Variants in SLC25A12 observed in about 807,000 individuals in gnomAD.
The protein encoded by SLC25A12 is electrogenic aspartate/glutamate antiporter SLC25A12, mitochondrial.
SLC25A12 carries 32 observed loss-of-function variants against 83.3 expected under a neutral mutation model. The observed-to-expected ratio is 0.38, with a 90% CI of 0.29 to 0.52. SLC25A12 has a LOEUF of 0.52. SLC25A12 is among the 20% of genes least tolerant of loss of function. SLC25A12 has a pLI of 0.84. For synonymous variants in SLC25A12, 267 were observed against 291.1 expected, an observed-to-expected ratio of 0.92 and a Z score of 0.84; for missense variants, 611 against 835.6, an observed-to-expected ratio of 0.73 and a Z score of 3.31.
chr2:171,844,131 A>G (rs1400065770), intron 5 of SLC25A12, among the ~76,000 whole-genome samples: 1 of 152,226 alleles, frequency 6.6e-6, no homozygotes, highest in Admixed American at 6.5e-5. Context: ...TACAATTAAA[A>G]AGTATTTAAA....
intron 17 of SLC25A12, 102 bp from the exon 18 acceptor site, chr2:171,785,577 G>A (rs774226226): frequency 3.4e-5 from 35 of 1,039,554 alleles, no homozygotes; most frequent in Non-Finnish European, 5.1e-5. Flanking sequence ...AAAGAAGAAT[G>A]TTTCTCTCAA....
At position 171,793,635 on chromosome 2, in the gene SLC25A12, G is replaced by A; in HGVS notation, c.1438C>T (p.Leu480=). Reference sequence around the variant, plus strand: ...AACCTAAACCTACCCACCTTATACAGACCAAAAATTCCCAAGTCCCGGAGC... The same window carrying A: ...AACCTAAACCTACCCACCTTATACAAACCAAAAATTCCCAAGTCCCGGAGC... ...NVLRDLGIFG[L]YKGAKACFLR... Residue 480 remains leucine (L), a synonymous_variant, in exon 14 of 18, where the codon CTG becomes TTG. Transcript: ENST00000422440. The A allele has an allele frequency of 6.2e-7, 1 of 1,614,056 alleles. No homozygotes were observed. The highest frequency in any genetic ancestry group is 8.5e-7 in the Non-Finnish European group (1 of 1,180,012).
intron 13 of SLC25A12, among the ~76,000 whole-genome samples, chr2:171,806,850 A>G (rs1192822374): frequency 1.3e-5 from 2 of 152,234 alleles, no homozygotes; most frequent in Admixed American, 6.5e-5. Context: ...GACACCGTAC[A>G]TCGTATCACC....
chr2:171,868,952 T>A lies in SLC25A12; in HGVS notation c.67-129A>T, dbSNP rs561006461. On this transcript the variant is annotated intron_variant, in intron 2 of 17. Transcript: ENST00000422440. ...AAAATAAAGATAATAAATGCAGAAT[T>A]TTTCTCTGGATACCGAAAAATCAAA... 1.2e-5 allele frequency: 10 copies of A among 836,454 alleles called. No homozygotes were observed. In the African/African-American group the frequency reaches 1.2e-4, roughly 10 times the overall value. The allele number at this position is 836,454 out of a possible 1,614,324, so 51.8% of individuals were successfully genotyped here.
intron 9 of SLC25A12, among the ~76,000 whole-genome samples, chr2:171,817,211 G>T (rs192268603): frequency 6.6e-6 from 1 of 152,092 alleles, no homozygotes; most frequent in Non-Finnish European, 1.5e-5. Context: ...TTTGTAATAG[G>T]AGTCCAAACA....
At chr2:171,811,718 T>G (rs1249354136) in intron 11 of SLC25A12, among the ~76,000 whole-genome samples, 5 of 151,974 alleles carry the variant, frequency 3.3e-5, no homozygotes. Flanking sequence ...AAACCAACAA[T>G]CCCCTCCCCT....
chr2:171,856,002 G>T, intron 3 of SLC25A12, 53 bp from the exon 4 acceptor site: 1 of 965,304 alleles, frequency 1.0e-6, no homozygotes, highest in Non-Finnish European at 1.7e-6. Context: ...AAAGCATCAG[G>T]CATTTAATCT....
At chr2:171,805,789 T>C (rs1193947927) in intron 13 of SLC25A12, among the ~76,000 whole-genome samples, 1 of 152,224 alleles carries the variant, frequency 6.6e-6, no homozygotes, top group Non-Finnish European at 1.5e-5. Flanking sequence ...TGTAATTATA[T>C]TGTTTGTATT....
intron 4 of SLC25A12, among the ~76,000 whole-genome samples, chr2:171,844,948 G>C (rs958027181): frequency 1.2e-4 from 19 of 152,204 alleles, no homozygotes; most frequent in Non-Finnish European, 2.4e-4. Flanking sequence ...ATTGAGGCTT[G>C]ATTATTACAT....
intron 13 of SLC25A12, among the ~76,000 whole-genome samples, chr2:171,798,570 C>T (rs953513330): frequency 2.6e-5 from 4 of 152,124 alleles, no homozygotes; most frequent in Admixed American, 1.3e-4. Context: ...ACAGTATGTG[C>T]GTATAAAATA....
At chr2:171,793,960 T>C (rs955313645) in intron 13 of SLC25A12, among the ~76,000 whole-genome samples, 193 bp from the exon 14 acceptor site, 3 of 152,190 alleles carry the variant, frequency 2.0e-5, no homozygotes, top group African/African-American at 4.8e-5. Flanking sequence ...GGTCCCAAAC[T>C]CTGTCTCAGA....
intron 3 of SLC25A12, among the ~76,000 whole-genome samples, chr2:171,864,011 A>G (rs1685227268): frequency 6.6e-6 from 1 of 152,246 alleles, no homozygotes; most frequent in Non-Finnish European, 1.5e-5. Context: ...CTATGGGACA[A>G]TAAAACTGAA....
chr2:171,862,485 C>A (rs532510544), intron 3 of SLC25A12, among the ~76,000 whole-genome samples: 1 of 152,176 alleles, frequency 6.6e-6, no homozygotes, highest in South Asian at 2.1e-4. Context: ...CTTTCTACAG[C>A]AAGCACCCAT....
intron 1 of SLC25A12, among the ~76,000 whole-genome samples, chr2:171,893,595 G>A (rs1345312932): frequency 6.6e-6 from 1 of 152,172 alleles, no homozygotes; most frequent in Non-Finnish European, 1.5e-5. Flanking sequence ...AAGCTAACAA[G>A]AGTAGATCAA....
intron 6 of SLC25A12, 97 bp from the exon 7 acceptor site, chr2:171,834,962 T>C: frequency 2.3e-6 from 3 of 1,315,342 alleles, no homozygotes. Context: ...AAAGGAGTCT[T>C]CACTGTTAAA....
At chr2:171,834,583 T>C in intron 7 of SLC25A12, 144 bp downstream of exon 7, 1 of 935,002 alleles carries the variant, frequency 1.1e-6, no homozygotes, top group Non-Finnish European at 1.6e-6. Context: ...CCTGGATTTT[T>C]GGAGCCCAAG....
intron 2 of SLC25A12, among the ~76,000 whole-genome samples, chr2:171,871,289 G>A (rs1251250860): frequency 1.3e-5 from 2 of 152,154 alleles, no homozygotes; most frequent in Non-Finnish European, 2.9e-5. Flanking sequence ...CAGTGGCCGG[G>A]CGCAGTGGCT....
intron 2 of SLC25A12, among the ~76,000 whole-genome samples, chr2:171,870,605 A>G (rs1168065633): frequency 6.6e-6 from 1 of 151,806 alleles, no homozygotes; most frequent in East Asian, 1.9e-4. Flanking sequence ...TGGGCAACAG[A>G]GCAAGACCCT....
At chr2:171,819,360 T>G (rs1684128648) in intron 9 of SLC25A12, among the ~76,000 whole-genome samples, 1 of 86,738 alleles carries the variant, frequency 1.2e-5, no homozygotes, top group African/African-American at 4.0e-5. Flanking sequence ...TATGTATTTA[T>G]ATTATATATA....
Sources: allele counts gnomAD v4.1 joint callset (sites outside exome capture counted in the v4.1 genomes callset), GRCh38; gene constraint gnomAD v4.1.1; transcripts MANE v1.5; gene names NCBI Gene and HGNC (gene_info 2026-07-23, HGNC 2026-07-21).